SIGLEC5: variants seen among roughly 807,000 people sequenced by gnomAD.
The protein encoded by SIGLEC5 is sialic acid-binding Ig-like lectin 5.
SIGLEC5 carries 34 observed loss-of-function variants against 45.9 expected under a neutral mutation model. The observed-to-expected ratio is 0.74, with a 90% CI of 0.56 to 0.99. The LOEUF is 0.99. Ranked by LOEUF, SIGLEC5 falls within the 50% of genes least tolerant of loss-of-function variation. The pLI is 0.00. For synonymous variants in SIGLEC5, 203 were observed against 258.6 expected (o/e 0.79, Z 2.06); for missense variants, 508 against 629.6 (o/e 0.81, Z 2.07).
At chr19:51,614,136 A>G (rs1982962665) in intron 8 of SIGLEC5, among the ~76,000 whole-genome samples, 1 of 152,194 alleles carries the variant, frequency 6.6e-6, no homozygotes, top group Admixed American at 6.5e-5. Flanking sequence ...GTGAGTCTTC[A>G]AACAGTAGCT....
At chr19:51,616,233 C>T (rs969839704) in intron 8 of SIGLEC5, among the ~76,000 whole-genome samples, 5 of 152,202 alleles carry the variant, frequency 3.3e-5, no homozygotes, top group African/African-American at 1.2e-4. Flanking sequence ...CCAACAGAAC[C>T]TGATAGACCA....
chr19:51,623,359 A>C (rs934044773), intron 8 of SIGLEC5, among the ~76,000 whole-genome samples: 5 of 152,192 alleles, frequency 3.3e-5, no homozygotes, highest in Admixed American at 2.0e-4. Context: ...CACTTTAAGA[A>C]GTGAAGACAA....
intron 8 of SIGLEC5, among the ~76,000 whole-genome samples, chr19:51,623,803 G>A (rs1475883473): frequency 6.6e-6 from 1 of 152,190 alleles, no homozygotes; most frequent in Non-Finnish European, 1.5e-5. Flanking sequence ...TTAGTACGGT[G>A]AGACAAGGAT....
At chr19:51,616,167 C>G (rs1983047269) in intron 8 of SIGLEC5, among the ~76,000 whole-genome samples, 1 of 152,180 alleles carries the variant, frequency 6.6e-6, no homozygotes, top group Admixed American at 6.5e-5. Context: ...GCCAATAACC[C>G]CAGGGGAATG....
chr19:51,628,041 C>G lies in SIGLEC5; in HGVS notation c.790G>C (p.Ala264Pro). Residue 264 changes from alanine to proline, a missense_variant, in exon 5 of 9, where the codon GCT becomes CCT. Around this residue, in one of 2 missense-constraint regions of SIGLEC5, gnomAD observed 431 missense variants for 428.8 expected, o/e 1.01. Transcript: ENST00000683636. ...GGAGCATCACAGAGCAGCCGCAGAG[C>G]CTGGCCCTCCAGGACCGGAAGGTAT... is the stretch of plus-strand genomic sequence containing the variant. ...TSYLPVLEGQ[A>P]LRLLCDAPSN... The G allele has an allele frequency of 6.3e-7, 1 of 1,592,314 alleles. No individual in the cohort carries two copies. Among genetic ancestry groups the G allele is most frequent in the East Asian group, 2.2e-5 (1 of 44,528 alleles).
At chr19:51,618,690 G>A (rs2122621236) in intron 8 of SIGLEC5, among the ~76,000 whole-genome samples, 1 of 149,420 alleles carries the variant, frequency 6.7e-6, no homozygotes, top group Admixed American at 6.8e-5. Context: ...TACTCAGGAG[G>A]CTGAAGCAGG....
At chr19:51,617,290 G>GA (rs1222969269) in intron 8 of SIGLEC5, among the ~76,000 whole-genome samples, 3 of 151,022 alleles carry the variant, frequency 2.0e-5, no homozygotes, top group Admixed American at 6.6e-5. Context: ...AAAAATATTT[G>GA]AAAAAAATAG....
intron 6 of SIGLEC5, 84 bp downstream of exon 6, chr19:51,627,378 C>G (rs978027190): frequency 1.3e-6 from 2 of 1,550,582 alleles, no homozygotes; most frequent in Admixed American, 1.8e-5. Flanking sequence ...CACCACCAGT[C>G]CAGCCTCTCT....
chr19:51,614,174 T>G (rs548995588), intron 8 of SIGLEC5, among the ~76,000 whole-genome samples: 22 of 152,308 alleles, frequency 1.4e-4, no homozygotes, highest in Admixed American at 1.4e-3. Context: ...AGACAGAGTT[T>G]CACTCTGTCA....
chr19:51,616,261 A>G (rs1481073967), intron 8 of SIGLEC5, among the ~76,000 whole-genome samples: 58 of 152,368 alleles, frequency 3.8e-4, no homozygotes, highest in Non-Finnish European at 1.3e-4. Context: ...CACAAGTACT[A>G]GGACGCTTTG....
In SIGLEC5 at chr19:51,627,176, A is replaced by G; in HGVS notation, c.1355T>C (p.Ile452Thr). 6.2e-7 allele frequency: 1 copy of G among 1,614,082 alleles called. No homozygotes were observed. Among genetic ancestry groups the G allele is most frequent in the Non-Finnish European group, 8.5e-7 (1 of 1,179,956 alleles). Reference sequence around the variant, plus strand: ...TAAAAAGAAGATGAGGCACAGACAGATACAGAGCAGGGCCATGACACCAGC... The same window carrying G: ...TAAAAAGAAGATGAGGCACAGACAGGTACAGAGCAGGGCCATGACACCAGC... ...GGAGVMALLC[I>T]CLCLIFFLIV... is the part of the protein sequence containing the mutation. The change falls in exon 7 of 9, where the codon ATC becomes ACC. Residue 452 changes from isoleucine (I) to threonine (T), a missense_variant. By Grantham distance (89) the Ile-to-Thr change is moderately conservative. Around this residue, in one of 2 missense-constraint regions of SIGLEC5, gnomAD observed 431 missense variants for 428.8 expected, o/e 1.01. Transcript: ENST00000683636.
chr19:51,626,928 G>A (rs987877982), intron 7 of SIGLEC5, among the ~76,000 whole-genome samples: 1 of 152,040 alleles, frequency 6.6e-6, no homozygotes, highest in Non-Finnish European at 1.5e-5. Flanking sequence ...TTTAAGACAG[G>A]GTCTCTCACT....
chr19:51,628,986 C>G, intron 4 of SIGLEC5, 52 bp downstream of exon 4: 1 of 1,548,934 alleles, frequency 6.5e-7, no homozygotes, highest in Non-Finnish European at 8.9e-7. Context: ...TACCTCTGCT[C>G]AGAGACAGAC....
intron 8 of SIGLEC5, among the ~76,000 whole-genome samples, chr19:51,614,772 T>A (rs1209974602): frequency 6.6e-6 from 1 of 152,148 alleles, no homozygotes. Flanking sequence ...TTCGTATAAA[T>A]GAGGACATAA....
chr19:51,625,944 G>C, intron 8 of SIGLEC5, 88 bp downstream of exon 8: 1 of 987,620 alleles, frequency 1.0e-6, no homozygotes, highest in South Asian at 1.3e-5. Context: ...CAGGTGATGA[G>C]GGAGGAGTGG....
intron 8 of SIGLEC5, among the ~76,000 whole-genome samples, chr19:51,622,527 T>A (rs1983331257): frequency 6.6e-6 from 1 of 152,010 alleles, no homozygotes; most frequent in South Asian, 2.1e-4. Context: ...GAAGAGGTTT[T>A]GCTGTACTCT....
At chr19:51,629,191 TCTCA>T in intron 3 of SIGLEC5, 115 bp from the exon 4 acceptor site, 1 of 1,522,040 alleles carries the variant, frequency 6.6e-7, no homozygotes, top group African/African-American at 1.4e-5. Context: ...GGCTGTCCTG[TCTCA>T]CTCCCCGCAG....
chr19:51,624,198 C>G (rs1021146009), intron 8 of SIGLEC5, among the ~76,000 whole-genome samples: 2 of 152,112 alleles, frequency 1.3e-5, no homozygotes, highest in African/African-American at 4.8e-5. Context: ...ATGAATACAA[C>G]TGCAACTTTA....
chr19:51,627,446 C>T lies in SIGLEC5; in HGVS notation c.1282+16G>A. The T allele has an allele frequency of 6.2e-7, 1 of 1,603,974 alleles. No individual in the cohort carries two copies. Among genetic ancestry groups the T allele is most frequent in the South Asian group, 1.1e-5 (1 of 89,836 alleles). On this transcript the variant is annotated intron_variant, in intron 6 of 8. Transcript: ENST00000683636. ...CCTCCCCTCAGGCCCCTGCCCTCTG[C>T]AATACGCCCCCTGACCTTGCAGCAG...
Sources: gnomAD v4.1 joint callset for allele counts (sites outside exome capture counted in the v4.1 genomes callset) on GRCh38, gnomAD v4.1.1 for gene constraint, gnomAD v4.1.1 regional missense constraint, MANE v1.5 for transcripts, NCBI Gene and HGNC (gene_info 2026-07-23, HGNC 2026-07-21) for gene names.